Variants in COL5A2 observed in about 807,000 individuals in gnomAD.
The protein encoded by COL5A2 is collagen type V alpha 2 chain, also known as collagen alpha-2(V) chain.
A neutral mutation model predicts 208.2 loss-of-function variants in COL5A2; 23 were observed. The ratio of observed to expected loss-of-function variants is 0.11; its 90% CI spans 0.08 to 0.16. The LOEUF (loss-of-function observed/expected upper bound fraction) is 0.16. Ranked by LOEUF, COL5A2 falls within the 10% of genes least tolerant of loss-of-function variation. COL5A2 has a pLI of 1.00. For synonymous variants in COL5A2, 625 were observed against 628.5 expected, an observed-to-expected ratio of 0.99 and a Z score of 0.08; for missense variants, 1,590 against 1,956.4, an observed-to-expected ratio of 0.81 and a Z score of 3.53.
intron 38 of COL5A2, 66 bp from the exon 39 acceptor site, chr2:189,053,084 T>A: frequency 1.7e-6 from 2 of 1,202,552 alleles, no homozygotes; most frequent in Non-Finnish European, 2.4e-6. Flanking sequence ...TTAGAGTAAT[T>A]ATTACTAATG....
intron 1 of COL5A2, among the ~76,000 whole-genome samples, chr2:189,200,457 C>T (rs1689055541): frequency 6.8e-6 from 1 of 148,022 alleles, no homozygotes; most frequent in Non-Finnish European, 1.5e-5. Flanking sequence ...CTTAACCCAG[C>T]AGAAAGTTTA....
At chr2:189,373,350 C>T in the COL5A2 span, among the ~76,000 whole-genome samples, 5 of 152,118 alleles carry the variant, frequency 3.3e-5, no homozygotes, top group Non-Finnish European at 7.4e-5. Context: ...TTATATGCCA[C>T]AAACTAGGGT....
At chr2:189,039,714 G>T in intron 50 of COL5A2, 151 bp from the exon 51 acceptor site, 1 of 691,702 alleles carries the variant, frequency 1.4e-6, no homozygotes, top group Non-Finnish European at 2.4e-6. Flanking sequence ...CTAGATGGGG[G>T]TGGTCTAACA....
intron 1 of COL5A2, among the ~76,000 whole-genome samples, chr2:189,223,589 C>T (rs767400463): frequency 2.0e-5 from 3 of 152,036 alleles, no homozygotes; most frequent in Non-Finnish European, 4.4e-5. Context: ...TCAACAACAT[C>T]GTGGATAAAT....
At chr2:189,049,161 A>G (rs1685730618) in intron 44 of COL5A2, among the ~76,000 whole-genome samples, 186 bp downstream of exon 44, 1 of 152,236 alleles carries the variant, frequency 6.6e-6, no homozygotes, top group Non-Finnish European at 1.5e-5. Flanking sequence ...CACCGATCCT[A>G]TTACCTTTTC....
At chr2:189,428,713 T>G in the COL5A2 span, among the ~76,000 whole-genome samples, 1 of 152,218 alleles carries the variant, frequency 6.6e-6, no homozygotes, top group Non-Finnish European at 1.5e-5. Flanking sequence ...TCTGCCATGA[T>G]TGCAAGTTTC....
intron 1 of COL5A2, among the ~76,000 whole-genome samples, chr2:189,129,447 A>G (rs1269301920): frequency 1.3e-5 from 2 of 152,084 alleles, no homozygotes; most frequent in African/African-American, 4.8e-5. Context: ...TTGAGAGATG[A>G]TTCTGGGACA....
At chr2:189,140,467 G>C (rs1239209098) in intron 1 of COL5A2, among the ~76,000 whole-genome samples, 2 of 152,048 alleles carry the variant, frequency 1.3e-5, no homozygotes. Context: ...TATGTTTATA[G>C]ACCAGAAATT....
intron 6 of COL5A2, among the ~76,000 whole-genome samples, chr2:189,094,324 G>A (rs1273981702): frequency 1.3e-5 from 2 of 151,976 alleles, no homozygotes; most frequent in Admixed American, 1.3e-4. Flanking sequence ...ATTAGAATTT[G>A]GGAGCTCATT....
At chr2:189,197,489 GA>G (rs951449850) in intron 1 of COL5A2, among the ~76,000 whole-genome samples, 90 of 151,882 alleles carry the variant, frequency 5.9e-4, no homozygotes, top group Non-Finnish European at 1.2e-3. Flanking sequence ...ATCAATAAGG[GA>G]AGGTGCAAAG....
At chr2:189,093,146 T>C (rs1686823844) in intron 6 of COL5A2, among the ~76,000 whole-genome samples, 1 of 152,064 alleles carries the variant, frequency 6.6e-6, no homozygotes, top group Admixed American at 6.6e-5. Flanking sequence ...TCCACCCTTC[T>C]CCTAACCCAC....
intron 35 of COL5A2, among the ~76,000 whole-genome samples, chr2:189,054,631 A>G (rs944005620): frequency 3.3e-5 from 5 of 151,454 alleles, no homozygotes; most frequent in Non-Finnish European, 7.4e-5. Context: ...TAATAGCAAA[A>G]TATCACTTTT....
the COL5A2 span, among the ~76,000 whole-genome samples, chr2:189,386,454 T>A: frequency 2.0e-5 from 3 of 152,094 alleles, no homozygotes; most frequent in East Asian, 5.8e-4. Context: ...CAAAAGCAAC[T>A]GCAACAAAAA....
intron 1 of COL5A2, among the ~76,000 whole-genome samples, chr2:189,168,233 C>A (rs1688507259): frequency 9.4e-6 from 1 of 106,816 alleles, no homozygotes; most frequent in Non-Finnish European, 2.1e-5. Flanking sequence ...GCCACTGTGC[C>A]CGGGTTTTTT....
the COL5A2 span, among the ~76,000 whole-genome samples, chr2:189,332,543 C>T: frequency 3.3e-5 from 5 of 152,262 alleles, no homozygotes; most frequent in East Asian, 9.6e-4. Context: ...ATGCTGTTCT[C>T]ATAATAGTGA....
At chr2:189,336,370 G>A in the COL5A2 span, among the ~76,000 whole-genome samples, 1 of 152,102 alleles carries the variant, frequency 6.6e-6, no homozygotes, top group Non-Finnish European at 1.5e-5. Flanking sequence ...CCACTGCCAG[G>A]AATTTACCCA....
At chr2:189,120,878 T>G (rs946500534) in intron 1 of COL5A2, among the ~76,000 whole-genome samples, 7 of 152,248 alleles carry the variant, frequency 4.6e-5, no homozygotes, top group African/African-American at 1.7e-4. Flanking sequence ...ACACTTATTC[T>G]TGAAGCAAAC....
the COL5A2 span, among the ~76,000 whole-genome samples, chr2:189,392,202 G>A: frequency 6.6e-6 from 1 of 152,050 alleles, no homozygotes; most frequent in African/African-American, 2.4e-5. Context: ...ATAAACCTAG[G>A]AAGTAAAATT....
the COL5A2 span, among the ~76,000 whole-genome samples, chr2:189,240,202 G>A: frequency 2.0e-5 from 3 of 152,306 alleles, no homozygotes; most frequent in East Asian, 1.9e-4. Context: ...AACAAAAGCC[G>A]TTGGTGGCTT....
Sources: allele counts gnomAD v4.1 joint callset (sites outside exome capture counted in the v4.1 genomes callset), GRCh38; gene constraint gnomAD v4.1.1; transcripts MANE v1.5; gene names NCBI Gene and HGNC (gene_info 2026-07-23, HGNC 2026-07-21).